Variants in STRAP observed in about 807,000 individuals in gnomAD.
STRAP encodes the protein serine-threonine kinase receptor-associated protein.
STRAP carries 16 observed loss-of-function variants against 47.0 expected under a neutral mutation model. That is an observed-to-expected ratio of 0.34 (90% CI 0.23 to 0.52). STRAP has a LOEUF of 0.52. STRAP is among the 20% of genes least tolerant of loss of function. The pLI is 0.96. For missense variants in STRAP, 293 were observed against 420.0 expected, an observed-to-expected ratio of 0.70 and a Z score of 2.64; for synonymous variants, 130 against 142.7, an observed-to-expected ratio of 0.91 and a Z score of 0.63.
intron 9 of STRAP, 116 bp from the exon 10 acceptor site, chr12:15,902,801 G>C: frequency 2.3e-6 from 3 of 1,277,072 alleles, no homozygotes; most frequent in Non-Finnish European, 3.1e-6. Flanking sequence ...CCTTACCACA[G>C]TATGCTTTAC....
Position 15,893,129 on chromosome 12 carries a change from T to G in STRAP, c.404-918T>G, listed in dbSNP as rs532227406. Among the ~76,000 whole-genome samples the G allele has an allele frequency of 5.3e-5, 8 of 152,248 alleles. No homozygotes were observed. In the East Asian group the frequency reaches 1.5e-3, roughly 29 times the overall value. ...TGCCCCTAGAGACAGCAGTGAGGGTTTTTTGAAGTTCTTCGAAAGGATAAT... is the reference window on the plus strand; with the variant it reads ...TGCCCCTAGAGACAGCAGTGAGGGTGTTTTGAAGTTCTTCGAAAGGATAAT... On this transcript the variant is annotated intron_variant, in intron 4 of 9. Transcript: ENST00000419869.
In STRAP at chr12:15,889,932, G is replaced by A. The variant is rs1288123069; in HGVS notation, c.253G>A (p.Val85Met). The change falls in exon 3 of 10, where the codon GTG (valine) becomes ATG (methionine). Residue 85 changes from valine to methionine, a missense_variant. By Grantham distance (21) the Val-to-Met change is conservative. This residue lies in a region of STRAP where 32 missense variants were observed against 76.1 expected (regional missense o/e 0.42). Coordinates refer to ENST00000419869, the MANE Select transcript of STRAP (RefSeq NM_007178.4). ...ATAAADFTAK[V>M]WDAVSGDELM... is the part of the protein sequence containing the mutation. ...TTTTCTCTTTTTTACTTTTAGCAAA[G>A]TGTGGGATGCTGTCTCAGGAGATGA... 1 of 1,612,936 alleles carries A rather than the reference G, an allele frequency of 6.2e-7. No individual in the cohort carries two copies. Among genetic ancestry groups the A allele is most frequent in the Non-Finnish European group, 8.5e-7 (1 of 1,179,368 alleles).
intron 2 of STRAP, among the ~76,000 whole-genome samples, chr12:15,885,180 G>GTTTTTTTTTTTTTGT (rs1947959008): frequency 1.0e-5 from 1 of 99,592 alleles, no homozygotes; most frequent in African/African-American, 4.3e-5. Context: ...TACAAGTGGT[G>GTTTTTTTTTTTTTGT]TTTTTTTTTT....
chr12:15,897,070 C>A (rs552361332), intron 6 of STRAP, among the ~76,000 whole-genome samples: 1 of 152,294 alleles, frequency 6.6e-6, no homozygotes, highest in East Asian at 1.9e-4. Context: ...ATGTTGGTGG[C>A]AGAAATTTTC....
chr12:15,882,689 C>A lies in STRAP; in HGVS notation c.-19C>A, dbSNP rs1239971722. 1.1e-5 allele frequency: 17 copies of A among 1,595,598 alleles called. No homozygotes were observed. The highest frequency in any genetic ancestry group is 3.3e-5 in the South Asian group (3 of 89,640). ...ACGACCCTCAGCTCGCCAGTCCGGTCGCTGGCTTCGCCGCCGCCATGGCAA... is the reference window on the plus strand; with the variant it reads ...ACGACCCTCAGCTCGCCAGTCCGGTAGCTGGCTTCGCCGCCGCCATGGCAA... On this transcript the variant is annotated 5_prime_UTR_variant, in exon 1 of 10. Transcript: ENST00000419869.
chr12:15,883,113 G>A lies in STRAP; in HGVS notation c.112+294G>A, dbSNP rs889468323. On this transcript the variant is annotated intron_variant, in intron 1 of 9. Transcript: ENST00000419869. Reference sequence around the variant, plus strand: ...GGTCAGCATTTGCCTAGACTCTCGGGACAACACGGTAAATAGCTTTCAAGG... The same window carrying A: ...GGTCAGCATTTGCCTAGACTCTCGGAACAACACGGTAAATAGCTTTCAAGG... 4.6e-6 allele frequency: 7 copies of A among 1,535,534 alleles called. No homozygotes were observed. The African/African-American group carries it at 5.5e-5, about 12-fold the overall frequency.
chr12:15,899,529 GAA>G (rs1320200446), intron 7 of STRAP, among the ~76,000 whole-genome samples: 2 of 152,172 alleles, frequency 1.3e-5, no homozygotes, highest in Admixed American at 1.3e-4. Flanking sequence ...GATTCCCTGA[GAA>G]ATAGGCAGTG....
rs542856700 is a variant in STRAP at position 15,883,566 on chromosome 12, A to G, written c.138A>G (p.Gly46=). 3.1e-6 allele frequency: 5 copies of G among 1,613,854 alleles called. No homozygotes were observed. The highest frequency in any genetic ancestry group is 1.3e-5 in the African/African-American group (1 of 75,040). Residue 46 remains glycine, a synonymous_variant, in exon 2 of 10, where the codon GGA becomes GGG. Coordinates refer to ENST00000419869, the MANE Select transcript of STRAP (RefSeq NM_007178.4). Reference sequence around the variant, plus strand: ...ATGGTAAACCTATGCTACGCCAGGGAGATACAGGAGACTGGATTGGAACAT... The same window carrying G: ...ATGGTAAACCTATGCTACGCCAGGGGGATACAGGAGACTGGATTGGAACAT... The part of the protein sequence containing the change: ...CKDGKPMLRQ[G]DTGDWIGTFL...
In STRAP at chr12:15,887,666, T is replaced by C. The variant is rs2136108446; in HGVS notation, c.249-2262T>C. 6.6e-6 allele frequency among the ~76,000 whole-genome samples: 1 copy of C among 152,296 alleles called. No individual in the cohort carries two copies. Among genetic ancestry groups the C allele is most frequent in the South Asian group, 2.1e-4 (1 of 4,828 alleles). Reference sequence around the variant, plus strand: ...TGGTTAATATTACTACTTTGGTCACTCCAACTCTCTTCTCACCTTTGAATA... The same window carrying C: ...TGGTTAATATTACTACTTTGGTCACCCCAACTCTCTTCTCACCTTTGAATA... On this transcript the variant is annotated intron_variant, in intron 2 of 9. Coordinates refer to ENST00000419869, the MANE Select transcript of STRAP (RefSeq NM_007178.4). This position sits in a 1 kb window ranked among gnomAD's most constrained non-coding sequence, Gnocchi z 5.5.
At chr12:15,902,243 A>C (rs1444336145) in intron 9 of STRAP, among the ~76,000 whole-genome samples, 3 of 152,160 alleles carry the variant, frequency 2.0e-5, no homozygotes, top group African/African-American at 7.2e-5. Context: ...AAGTGCTGGG[A>C]TTACAGGCGT....
At chr12:15,902,276 A>T (rs1200106134) in intron 9 of STRAP, among the ~76,000 whole-genome samples, 1 of 152,112 alleles carries the variant, frequency 6.6e-6, no homozygotes, top group African/African-American at 2.4e-5. Flanking sequence ...CCGGCCTATC[A>T]TGTAGTTTTT....
intron 6 of STRAP, among the ~76,000 whole-genome samples, chr12:15,895,732 ACG>A (rs1185146434): frequency 6.6e-6 from 1 of 151,058 alleles, no homozygotes; most frequent in Non-Finnish European, 1.5e-5. Flanking sequence ...GTGGTGGCAC[ACG>A]CCTGTAGTCC....
rs1022444340 is a variant in STRAP, at chr12:15,890,219, G to C, written c.330+210G>C. ...TCAAGCTTTTAAGATACTGTGGAACGAGTACCAGTCCTTCAACATGTAAAA... is the reference window on the plus strand; with the variant it reads ...TCAAGCTTTTAAGATACTGTGGAACCAGTACCAGTCCTTCAACATGTAAAA... On this transcript the variant is annotated intron_variant, in intron 3 of 9. Coordinates refer to ENST00000419869, the MANE Select transcript of STRAP (RefSeq NM_007178.4). The surrounding 1 kb of genome is among the most constrained non-coding windows in gnomAD (Gnocchi z 4.5). Among the ~76,000 whole-genome samples the C allele has an allele frequency of 2.6e-5, 4 of 152,152 alleles. No individual in the cohort carries two copies. Among genetic ancestry groups the C allele is most frequent in the African/African-American group, 4.8e-5 (2 of 41,432 alleles).
intron 9 of STRAP, 119 bp from the exon 10 acceptor site, chr12:15,902,798 A>T (rs1752753783): frequency 8.0e-7 from 1 of 1,256,960 alleles, no homozygotes; most frequent in South Asian, 1.8e-5. Flanking sequence ...TTCCCTTACC[A>T]CAGTATGCTT....
rs187820269 is a variant in STRAP, at chr12:15,898,795, G to C, written c.775+777G>C. 3.9e-5 allele frequency among the ~76,000 whole-genome samples: 6 copies of C among 152,066 alleles called. No homozygotes were observed. In the East Asian group the frequency reaches 1.2e-3, roughly 29 times the overall value. ...TTTTATCTATAAGCTGTCTCTTCTT[G>C]TTCTTGTCTGTTTCTAGCTGCCCTG... On this transcript the variant is annotated intron_variant, in intron 7 of 9. Transcript: ENST00000419869.
chr12:15,885,180 G>GTTTTTTTTTTTT lies in STRAP; in HGVS notation c.248+1518_248+1529dup, dbSNP rs749702060. Among the ~76,000 whole-genome samples, 122 of 99,560 alleles carry GTTTTTTTTTTTT rather than the reference G, an allele frequency of 1.2e-3. 10 individuals carry two copies. The highest frequency in any genetic ancestry group is 4.8e-3 in the African/African-American group (112 of 23,346). 65.3% of individuals were successfully genotyped at this position (99,560 alleles called of 152,430 possible). Reference sequence around the variant, plus strand: ...TAAGAGGCTAGAGAGTACAAGTGGTGTTTTTTTTTTTTTTTTTTTTTTTTT... The same window carrying GTTTTTTTTTTTT: ...TAAGAGGCTAGAGAGTACAAGTGGTGTTTTTTTTTTTTTTTTTTTTTTTTTTTTTTTTTTTTT... On this transcript the variant is annotated intron_variant, in intron 2 of 9. Coordinates refer to ENST00000419869, the MANE Select transcript of STRAP (RefSeq NM_007178.4).
At chr12:15,898,106 T>G in intron 7 of STRAP, 88 bp downstream of exon 7, 3 of 1,062,490 alleles carry the variant, frequency 2.8e-6, no homozygotes, top group Non-Finnish European at 3.8e-6. Flanking sequence ...ATATATATGT[T>G]ACATATATAT....
chr12:15,898,622 A>T (rs1392964555), intron 7 of STRAP, among the ~76,000 whole-genome samples: 1 of 152,200 alleles, frequency 6.6e-6, no homozygotes, highest in Non-Finnish European at 1.5e-5. Context: ...AGGGAAAGGC[A>T]TGGGGATTAA....
Position 15,894,764 on chromosome 12 carries a change from A to G in STRAP, c.501-595A>G, listed in dbSNP as rs1430926062. On this transcript the variant is annotated intron_variant, in intron 5 of 9. Coordinates refer to ENST00000419869, the MANE Select transcript of STRAP (RefSeq NM_007178.4). The surrounding 1 kb of genome is among the most constrained non-coding windows in gnomAD (Gnocchi z 4.9). ...TCTCAGTTGGTAAGTGTCTAATGCA[A>G]ATATTCCAAAATCCGAAAAAGTTTG... Among the ~76,000 whole-genome samples, 2 of 152,202 alleles carry G rather than the reference A, an allele frequency of 1.3e-5. No homozygotes were observed. Among genetic ancestry groups the G allele is most frequent in the Non-Finnish European group, 2.9e-5 (2 of 68,034 alleles).
Sources: allele counts gnomAD v4.1 joint callset (sites outside exome capture counted in the v4.1 genomes callset), GRCh38; gene constraint gnomAD v4.1.1; regional missense constraint gnomAD v4.1.1; non-coding constraint Gnocchi (gnomAD v3.1); transcripts MANE v1.5; gene names NCBI Gene and HGNC (gene_info 2026-07-23, HGNC 2026-07-21).